Variants in MANBA observed in about 807,000 individuals in gnomAD.
MANBA encodes the protein beta-mannosidase.
In MANBA, 83 loss-of-function variants were observed where a neutral mutation model predicts 111.1. The observed-to-expected ratio is 0.75, with a 90% CI of 0.63 to 0.90. The LOEUF (loss-of-function observed/expected upper bound fraction) is 0.90. Among genes scored for constraint, MANBA ranks in the 40% least tolerant of loss-of-function variants. MANBA has a pLI of 0.00. For missense variants in MANBA, 1,036 were observed against 1,069.0 expected, an observed-to-expected ratio of 0.97 and a Z score of 0.43; for synonymous variants, 370 against 378.7, an observed-to-expected ratio of 0.98 and a Z score of 0.27.
intron 10 of MANBA, 55 bp downstream of exon 10, chr4:102,668,908 G>T: frequency 7.2e-7 from 1 of 1,392,730 alleles, no homozygotes; most frequent in Non-Finnish European, 1.0e-6. Context: ...TTAACAAAAG[G>T]CAATACTAAA....
intron 5 of MANBA, among the ~76,000 whole-genome samples, chr4:102,691,292 CT>C (rs914710003): frequency 2.0e-5 from 3 of 152,010 alleles, no homozygotes; most frequent in African/African-American, 7.2e-5. Flanking sequence ...TTCCTGAGGA[CT>C]TTCTATGTGC....
intron 8 of MANBA, 120 bp downstream of exon 8, chr4:102,673,799 A>T (rs190767475): frequency 2.2e-6 from 2 of 904,770 alleles, no homozygotes; most frequent in Non-Finnish European, 3.6e-6. Context: ...CATCGTCTAG[A>T]ATTCTATACT....
chr4:102,640,762 TA>T (rs1729845685), intron 13 of MANBA, among the ~76,000 whole-genome samples: 1 of 151,804 alleles, frequency 6.6e-6, no homozygotes, highest in Admixed American at 6.6e-5. Flanking sequence ...CGCTTTCCCA[TA>T]AAAGCAAAAA....
intron 15 of MANBA, among the ~76,000 whole-genome samples, 155 bp downstream of exon 15, chr4:102,635,710 T>C (rs1218240686): frequency 6.6e-6 from 1 of 152,256 alleles, no homozygotes; most frequent in Non-Finnish European, 1.5e-5. Context: ...GTTTTGCTTA[T>C]GGTCACATGA....
intron 7 of MANBA, among the ~76,000 whole-genome samples, chr4:102,685,231 G>T (rs1560772704): frequency 6.6e-6 from 1 of 151,988 alleles, no homozygotes; most frequent in Non-Finnish European, 1.5e-5. Flanking sequence ...AGTTACCTGA[G>T]TGTTCATTTT....
chr4:102,719,145 T>C, intron 4 of MANBA, among the ~76,000 whole-genome samples: 1 of 152,160 alleles, frequency 6.6e-6, no homozygotes, highest in Non-Finnish European at 1.5e-5. Context: ...ATTTCAGTCC[T>C]TATCTCAACC....
At chr4:102,703,182 A>G (rs969751510) in intron 5 of MANBA, among the ~76,000 whole-genome samples, 4 of 152,232 alleles carry the variant, frequency 2.6e-5, no homozygotes, top group African/African-American at 9.6e-5. Context: ...CCAGGCCAGA[A>G]TACAGTGGAA....
At position 102,723,894 on chromosome 4, in the gene MANBA, T is replaced by A; in HGVS notation, c.346A>T (p.Ile116Phe). ...TTGAACATATTGTCTGTTTCCCCAA[T>A]AGTGACTTCATTGAACAGGATTTTT... is the stretch of plus-strand genomic sequence containing the variant. ...VSKILFNEVT[I>F]GETDNMFNRY... Residue 116 changes from isoleucine (I) to phenylalanine (F), a missense_variant, in exon 3 of 17, where the codon ATT (isoleucine) becomes TTT (phenylalanine). By Grantham distance (21) the Ile-to-Phe change is conservative. Coordinates refer to ENST00000647097, the MANE Select transcript of MANBA (RefSeq NM_005908.4). 1 of 1,608,178 alleles carries A rather than the reference T, an allele frequency of 6.2e-7. No individual in the cohort carries two copies. The highest frequency in any genetic ancestry group is 8.5e-7 in the Non-Finnish European group (1 of 1,175,052).
At chr4:102,736,724 T>A (rs1000107881) in intron 1 of MANBA, among the ~76,000 whole-genome samples, 1 of 152,178 alleles carries the variant, frequency 6.6e-6, no homozygotes, top group Non-Finnish European at 1.5e-5. Context: ...AGGACTAACA[T>A]GCAGCTCCCA....
chr4:102,691,147 T>C (rs1311065742), intron 5 of MANBA, among the ~76,000 whole-genome samples: 1 of 152,058 alleles, frequency 6.6e-6, no homozygotes. Flanking sequence ...AAGTAAAAAG[T>C]AATAGTATTT....
intron 1 of MANBA, among the ~76,000 whole-genome samples, chr4:102,759,184 G>C (rs1175361874): frequency 6.9e-6 from 1 of 145,310 alleles, no homozygotes; most frequent in Admixed American, 7.0e-5. Flanking sequence ...TGGCCATGCT[G>C]GTCTTGAACT....
At chr4:102,734,332 A>G (rs547275450) in intron 1 of MANBA, 2 of 1,596,638 alleles carry the variant, frequency 1.3e-6, no homozygotes, top group East Asian at 4.5e-5. Context: ...GTCAGAAGAG[A>G]CCTCAGGCAG....
intron 10 of MANBA, chr4:102,666,960 A>G (rs1731255415): frequency 6.6e-6 from 1 of 152,300 alleles, no homozygotes; most frequent in Non-Finnish European, 1.5e-5. Context: ...GCATTTCTGT[A>G]TGGTTTTTCA....
chr4:102,693,555 G>A (rs530022597), intron 5 of MANBA, among the ~76,000 whole-genome samples: 1 of 152,060 alleles, frequency 6.6e-6, no homozygotes, highest in African/African-American at 2.4e-5. Context: ...CCTTTATCTC[G>A]GACTTCCCAG....
chr4:102,759,068 T>C (rs1272371499), intron 1 of MANBA, among the ~76,000 whole-genome samples: 1 of 152,244 alleles, frequency 6.6e-6, no homozygotes, highest in Non-Finnish European at 1.5e-5. Context: ...TTCTTAGCTC[T>C]GTAATATGGC....
At chr4:102,697,359 TTTTA>T (rs1255461600) in intron 5 of MANBA, among the ~76,000 whole-genome samples, 11 of 152,094 alleles carry the variant, frequency 7.2e-5, no homozygotes, top group African/African-American at 2.7e-4. Context: ...TATTTTATTT[TTTTA>T]TTATTATTAT....
intron 16 of MANBA, among the ~76,000 whole-genome samples, chr4:102,633,826 C>T (rs965908133): frequency 4.6e-5 from 7 of 151,214 alleles, no homozygotes; most frequent in African/African-American, 1.7e-4. Flanking sequence ...TCATTTTCTT[C>T]TGTTCTCTAT....
chr4:102,751,779 T>G (rs1723809870), intron 1 of MANBA: 4 of 524,174 alleles, frequency 7.6e-6, no homozygotes, highest in Non-Finnish European at 1.6e-5. Context: ...AATCCGGTCC[T>G]TGGAAAGAAA....
At chr4:102,663,813 G>A (rs1289422224) in intron 11 of MANBA, among the ~76,000 whole-genome samples, 2 of 152,084 alleles carry the variant, frequency 1.3e-5, no homozygotes, top group African/African-American at 4.8e-5. Context: ...AACTTTTGAA[G>A]GCATTACTGA....
Sources: gnomAD v4.1 joint callset for allele counts (sites outside exome capture counted in the v4.1 genomes callset) on GRCh38, gnomAD v4.1.1 for gene constraint, MANE v1.5 for transcripts, NCBI Gene and HGNC (gene_info 2026-07-23, HGNC 2026-07-21) for gene names.